The following AKAP7 variants were observed in gnomAD, a reference collection of about 807,000 sequenced individuals.
AKAP7 encodes the protein A kinase (PRKA) anchor protein 7.
AKAP7 carries 39 observed loss-of-function variants against 39.5 expected under a neutral mutation model. That is an observed-to-expected ratio of 0.99 (90% CI 0.76 to 1.29). The LOEUF (loss-of-function observed/expected upper bound fraction) is 1.29, where lower values mean the gene tolerates loss of function less well. AKAP7 is among the 50% of genes most tolerant of loss of function. The pLI, the probability that AKAP7 is intolerant of heterozygous loss-of-function variation, is 0.00. For synonymous variants in AKAP7, 140 were observed against 139.1 expected, an observed-to-expected ratio of 1.01 and a Z score of -0.05; for missense variants, 414 against 407.7, an observed-to-expected ratio of 1.02 and a Z score of -0.13.
chr6:131,131,779 A>G (rs1315482362), upstream of AKAP7, among the ~76,000 whole-genome samples: 2 of 152,206 alleles, frequency 1.3e-5, no homozygotes, highest in Admixed American at 6.5e-5. Context: ...CTGTTCCCCA[A>G]AGGAGGTCAC....
At chr6:131,167,927 AG>A (rs1300686769) in intron 4 of AKAP7, among the ~76,000 whole-genome samples, 2 of 152,304 alleles carry the variant, frequency 1.3e-5, no homozygotes, top group Admixed American at 6.5e-5. Flanking sequence ...ATCCACTGGA[AG>A]GGTGTTTTAA....
intron 7 of AKAP7, among the ~76,000 whole-genome samples, chr6:131,279,620 A>G (rs1562262462): frequency 6.6e-6 from 1 of 152,188 alleles, no homozygotes; most frequent in African/African-American, 2.4e-5. Context: ...GGGACACTTC[A>G]CTGTGGACTA....
chr6:131,165,168 CAT>C lies in AKAP7; in HGVS notation c.382_383del (p.Ile128TyrfsTer10). 6.2e-7 allele frequency: 1 copy of C among 1,610,682 alleles called. No individual in the cohort carries two copies. Among genetic ancestry groups the C allele is most frequent in the Non-Finnish European group, 8.5e-7 (1 of 1,177,540 alleles). ...AGCAATGGTCAGTGATGGTTCCTTT[CAT>C]ATTACCCTGCTGGTGATGCAATTAT... ...AKAMVSDGSF[H>X]ITLLVMQLLN... is the part of the protein sequence containing the mutation. On this transcript the variant is annotated frameshift_variant, in exon 4 of 8. Coordinates refer to ENST00000431975, the MANE Select transcript of AKAP7 (RefSeq NM_016377.4). LOFTEE classifies it high-confidence loss of function.
rs184675645 is a variant in AKAP7, at chr6:131,171,514, C to T, written c.589+2241C>T. Reference sequence around the variant, plus strand: ...AGTATAAATTGCAAATCTAGAGATACCATCAAATGAGATTCGTATGCTAAA... The same window carrying T: ...AGTATAAATTGCAAATCTAGAGATATCATCAAATGAGATTCGTATGCTAAA... On this transcript the variant is annotated intron_variant, in intron 5 of 7. Coordinates refer to ENST00000431975, the MANE Select transcript of AKAP7 (RefSeq NM_016377.4). 3.3e-5 allele frequency among the ~76,000 whole-genome samples: 5 copies of T among 152,032 alleles called. No individual in the cohort carries two copies. In the South Asian group the frequency reaches 6.2e-4, roughly 19 times the overall value.
intron 7 of AKAP7, among the ~76,000 whole-genome samples, chr6:131,275,951 G>A (rs972608082): frequency 6.6e-6 from 1 of 152,210 alleles, no homozygotes; most frequent in Non-Finnish European, 1.5e-5. Context: ...TGCCTGTTGA[G>A]ACTCTGTCTC....
At chr6:131,134,074 C>A (rs376153595), upstream of AKAP7, among the ~76,000 whole-genome samples, 7 of 152,134 alleles carry the variant, frequency 4.6e-5, no homozygotes, top group African/African-American at 1.4e-4. Context: ...TGGGCTCCAG[C>A]GATCCTCCCA....
Position 131,176,621 on chromosome 6 carries a change from A to G in AKAP7, c.589+7348A>G, listed in dbSNP as rs187541780. On this transcript the variant is annotated intron_variant, in intron 5 of 7. Transcript: ENST00000431975. ...GATTCTAAGTACATTTATCTCATAC[A>G]AGAAAAAATGAAAGGTTTTTAGAAT... Among the ~76,000 whole-genome samples, 195 of 152,300 alleles carry G rather than the reference A, an allele frequency of 1.3e-3. 1 individual carries two copies. The highest frequency in any genetic ancestry group is 5.6e-4 in the Non-Finnish European group (38 of 68,030).
chr6:131,210,093 A>C (rs1265549466), intron 6 of AKAP7, among the ~76,000 whole-genome samples: 2 of 152,252 alleles, frequency 1.3e-5, no homozygotes, highest in East Asian at 3.8e-4. Context: ...GTAAAGCTGT[A>C]TTCTTCTTGA....
rs189637944 is a variant in AKAP7, at chr6:131,156,637, C to T, written c.152-3422C>T. ...CCTGGGTGACAGAGTGAGATCCTAT[C>T]GCAAAACAAAACAAAAAAATAACAA... On this transcript the variant is annotated intron_variant, in intron 2 of 7. Transcript: ENST00000431975. Among the ~76,000 whole-genome samples the T allele has an allele frequency of 9.2e-5, 14 of 151,912 alleles. No homozygotes were observed. In the East Asian group the frequency reaches 1.9e-3, roughly 21 times the overall value.
intron 7 of AKAP7, among the ~76,000 whole-genome samples, chr6:131,262,628 TATTGCA>T (rs1813446216): frequency 6.6e-6 from 1 of 152,020 alleles, no homozygotes; most frequent in African/African-American, 2.4e-5. Flanking sequence ...AATATATATA[TATTGCA>T]ATAATTCAAG....
chr6:131,157,087 A>G (rs1802489161), intron 2 of AKAP7, among the ~76,000 whole-genome samples: 1 of 152,074 alleles, frequency 6.6e-6, no homozygotes, highest in Admixed American at 6.6e-5. Context: ...GAGTTTACTA[A>G]ATGTTCTTTA....
chr6:131,218,334 T>C (rs558276805), intron 6 of AKAP7, among the ~76,000 whole-genome samples: 1 of 152,366 alleles, frequency 6.6e-6, no homozygotes, highest in East Asian at 1.9e-4. Flanking sequence ...TTGGCACATC[T>C]GTATATTATT....
intron 7 of AKAP7, among the ~76,000 whole-genome samples, chr6:131,224,931 ATT>A (rs1810038394): frequency 6.7e-6 from 1 of 150,366 alleles, no homozygotes; most frequent in Non-Finnish European, 1.5e-5. Flanking sequence ...TTTTTTTAAT[ATT>A]TTTAGTAGAG....
At chr6:131,153,982 C>T (rs1417546823) in intron 2 of AKAP7, among the ~76,000 whole-genome samples, 7 of 151,962 alleles carry the variant, frequency 4.6e-5, no homozygotes, top group South Asian at 4.1e-4. Flanking sequence ...GACCGAGGAA[C>T]GTGGATCACC....
chr6:131,206,797 C>T (rs917747014), intron 6 of AKAP7, among the ~76,000 whole-genome samples: 12 of 152,172 alleles, frequency 7.9e-5, no homozygotes, highest in African/African-American at 2.9e-4. Context: ...ATCTATCTAT[C>T]TATCTATCTA....
intron 5 of AKAP7, among the ~76,000 whole-genome samples, chr6:131,177,984 C>G (rs1201479856): frequency 6.6e-6 from 1 of 152,172 alleles, no homozygotes; most frequent in African/African-American, 2.4e-5. Flanking sequence ...TCTTAGTTTT[C>G]TGTTGCTTTG....
intron 7 of AKAP7, among the ~76,000 whole-genome samples, chr6:131,241,690 G>A (rs1447290883): frequency 2.0e-5 from 3 of 147,790 alleles, no homozygotes; most frequent in African/African-American, 7.5e-5. Context: ...CTATGGGTAT[G>A]AATGAAATAG....
intron 7 of AKAP7, among the ~76,000 whole-genome samples, chr6:131,266,016 G>C (rs1008021810): frequency 1.3e-5 from 2 of 152,160 alleles, no homozygotes; most frequent in Non-Finnish European, 2.9e-5. Context: ...CAGGACACTA[G>C]ATCTTGGAAG....
chr6:131,221,051 C>T (rs1402919992), intron 7 of AKAP7, among the ~76,000 whole-genome samples: 2 of 152,054 alleles, frequency 1.3e-5, no homozygotes, highest in Non-Finnish European at 1.5e-5. Context: ...GAAGGCATGT[C>T]GAAAGATGAA....
Sources: allele counts gnomAD v4.1 joint callset (sites outside exome capture counted in the v4.1 genomes callset), GRCh38; gene constraint gnomAD v4.1.1; transcripts MANE v1.5; gene names NCBI Gene and HGNC (gene_info 2026-07-23, HGNC 2026-07-21).